Variants in PDE2A observed in about 807,000 individuals in gnomAD.
PDE2A encodes cGMP-dependent 3',5'-cyclic phosphodiesterase.
A neutral mutation model predicts 133.6 loss-of-function variants in PDE2A; 53 were observed. The observed-to-expected ratio is 0.40, with a 90% confidence interval of 0.32 to 0.50. PDE2A has a LOEUF of 0.50. Among genes scored for constraint, PDE2A ranks in the 20% least tolerant of loss-of-function variants. The pLI, the probability that PDE2A is intolerant of heterozygous loss-of-function variation, is 0.73. For missense variants in PDE2A, 796 were observed against 1,232.4 expected (o/e 0.65, Z 5.30); for synonymous variants, 491 against 490.2 (o/e 1.00, Z -0.02).
chr11:72,651,114 G>A (rs1318407704), intron 1 of PDE2A, among the ~76,000 whole-genome samples: 1 of 152,120 alleles, frequency 6.6e-6, no homozygotes, highest in Non-Finnish European at 1.5e-5. Context: ...GAAAATCAAA[G>A]CTTCTGTTAT....
At chr11:72,581,782 C>T (rs1051655839) in intron 22 of PDE2A, 95 bp downstream of exon 22, 2 of 1,218,872 alleles carry the variant, frequency 1.6e-6, no homozygotes, top group Non-Finnish European at 2.4e-6. Context: ...CCCAGTCATC[C>T]TTAGAGAGAT....
At chr11:72,595,933 G>T (rs950828297) in intron 6 of PDE2A, among the ~76,000 whole-genome samples, 7 of 152,104 alleles carry the variant, frequency 4.6e-5, no homozygotes, top group African/African-American at 1.7e-4. Context: ...GGGTTCTGGG[G>T]CTCTGGCAGA....
chr11:72,601,961 T>C (rs1011545559), intron 4 of PDE2A, among the ~76,000 whole-genome samples: 1 of 152,170 alleles, frequency 6.6e-6, no homozygotes, highest in Non-Finnish European at 1.5e-5. Context: ...CCCAGGTCTC[T>C]GACTCCCAGC....
At chr11:72,673,691 T>TC (rs757418714) in intron 1 of PDE2A, among the ~76,000 whole-genome samples, 1 of 151,136 alleles carries the variant, frequency 6.6e-6, no homozygotes, top group Non-Finnish European at 1.5e-5. Flanking sequence ...TCTCCATCTT[T>TC]CCCCCTCCCC....
rs1855607152 is a variant in PDE2A at position 72,579,304 on chromosome 11, T to C, written c.2336A>G (p.Asp779Gly). 1 of 1,612,216 alleles carries C rather than the reference T, an allele frequency of 6.2e-7. No homozygotes were observed. Among genetic ancestry groups the C allele is most frequent in the Non-Finnish European group, 8.5e-7 (1 of 1,178,584 alleles). Residue 779 changes from aspartate (D) to glycine (G), a missense_variant, in exon 27 of 31, where the codon GAC (aspartate) becomes GGC (glycine). Asp to Gly is a moderately conservative substitution (Grantham distance 94). Coordinates refer to ENST00000334456, the MANE Select transcript of PDE2A (RefSeq NM_002599.5). ...DLAHHLRIFK[D>G]LQKMAEVGYD... is the part of the protein sequence containing the mutation. Reference sequence around the variant, plus strand: ...GTCACCCTCAGCCATCTTCTGGAGGTCCTTGAAGATGCGGAGATGGTGGGC... The same window carrying C: ...GTCACCCTCAGCCATCTTCTGGAGGCCCTTGAAGATGCGGAGATGGTGGGC...
chr11:72,653,039 A>G (rs1854788540), intron 1 of PDE2A, among the ~76,000 whole-genome samples: 1 of 152,236 alleles, frequency 6.6e-6, no homozygotes. Flanking sequence ...GAGATGTGGC[A>G]TTCTGTTTCT....
chr11:72,579,507 T>TGCC (rs1855618136), intron 26 of PDE2A, 27 bp downstream of exon 26: 51 of 1,354,050 alleles, frequency 3.8e-5, no homozygotes, highest in East Asian at 4.8e-5. Flanking sequence ...TCCCCCTCAA[T>TGCC]CCCCACCCCA....
chr11:72,600,451 C>T (rs550418793), intron 4 of PDE2A, among the ~76,000 whole-genome samples: 5 of 152,220 alleles, frequency 3.3e-5, no homozygotes, highest in African/African-American at 7.2e-5. Flanking sequence ...CCCGGCTTTG[C>T]GGGACCCCAT....
intron 1 of PDE2A, among the ~76,000 whole-genome samples, chr11:72,667,614 G>C (rs1228291260): frequency 6.6e-6 from 1 of 152,172 alleles, no homozygotes; most frequent in Non-Finnish European, 1.5e-5. Context: ...GGAATGGACT[G>C]TATGTGACAG....
intron 5 of PDE2A, 26 bp from the exon 6 acceptor site, chr11:72,596,674 C>T: frequency 7.2e-7 from 1 of 1,398,416 alleles, no homozygotes; most frequent in Non-Finnish European, 9.4e-7. Context: ...CAATGAGGTG[C>T]TCCTGCAGGG....
In PDE2A at chr11:72,642,298, C is replaced by A; in HGVS notation, c.100G>T (p.Asp34Tyr). 6.5e-7 allele frequency: 1 copy of A among 1,528,930 alleles called. No homozygotes were observed. 94.7% of individuals were successfully genotyped at this position (1,528,930 alleles called of 1,614,324 possible). ...PRGQQVFLKP[D>Y]EPPPPPQPCA... ...GGCTGCGGCGGCGGCGGCGGCTCGT[C>A]CGGCTTGAGGAAGACCTGCTGGCCC... Residue 34 changes from aspartate (D) to tyrosine (Y), a missense_variant, in exon 2 of 31, where the codon GAC becomes TAC. Asp to Tyr is a radical substitution (Grantham distance 160). Around this residue, in one of 7 missense-constraint regions of PDE2A, gnomAD observed 417 missense variants for 475.3 expected, o/e 0.88. Coordinates refer to ENST00000334456, the MANE Select transcript of PDE2A (RefSeq NM_002599.5).
rs1417756322 is a variant in PDE2A at position 72,581,472 on chromosome 11, A to G, written c.1930T>C (p.Leu644=). 3 of 1,595,960 alleles carry G rather than the reference A, an allele frequency of 1.9e-6. No individual in the cohort carries two copies. The highest frequency in any genetic ancestry group is 2.3e-5 in the East Asian group (1 of 44,408). ...TCCCGGTAGCCCTTCTTCACCATCA[A>G]ACAGAACCTGGGGGAGGGAAGAGGG... The part of the protein sequence containing the change: ...IDCPTLARFC[L]MVKKGYRDPP... The change falls in exon 23 of 31, where the codon TTG becomes CTG. Residue 644 remains leucine (L), a synonymous_variant. Coordinates refer to ENST00000334456, the MANE Select transcript of PDE2A (RefSeq NM_002599.5).
chr11:72,630,296 A>G (rs1858309983), intron 2 of PDE2A, among the ~76,000 whole-genome samples: 1 of 152,188 alleles, frequency 6.6e-6, no homozygotes, highest in Admixed American at 6.5e-5. Context: ...ATACAGAGTC[A>G]CGTGATGGAG....
Position 72,590,680 on chromosome 11 carries a change from C to T in PDE2A, c.550-100G>A. 8.7e-7 allele frequency: 1 copy of T among 1,147,694 alleles called. No homozygotes were observed. The highest frequency in any genetic ancestry group is 1.1e-6 in the Non-Finnish European group (1 of 879,014). The allele number at this position is 1,147,694 out of a possible 1,614,324, so 71.1% of individuals were successfully genotyped here. A position where few individuals can be genotyped will look rare whatever the true frequency, so the allele number is the denominator to read the frequency against. On this transcript the variant is annotated intron_variant, in intron 7 of 30. Coordinates refer to ENST00000334456, the MANE Select transcript of PDE2A (RefSeq NM_002599.5). The surrounding 1 kb of genome is among the most constrained non-coding windows in gnomAD (Gnocchi z 4.8). ...TGCTCCCGCCGTTCCCTCTGCCTGC[C>T]GGGCCCAGGGACCCCGCCGCCGTCC...
intron 2 of PDE2A, among the ~76,000 whole-genome samples, chr11:72,623,892 C>G (rs1857910369): frequency 6.6e-6 from 1 of 152,158 alleles, no homozygotes; most frequent in Non-Finnish European, 1.5e-5. Flanking sequence ...CCTCCAGTTG[C>G]TCTACCCACC....
intron 1 of PDE2A, among the ~76,000 whole-genome samples, chr11:72,673,462 G>T (rs114470117): frequency 6.6e-6 from 1 of 151,688 alleles, no homozygotes; most frequent in African/African-American, 2.4e-5. Context: ...GAGGGGTGTC[G>T]CCACGGCGCC....
chr11:72,578,455 C>T lies in PDE2A; in HGVS notation c.2508+21G>A, dbSNP rs141338941. 8.0e-5 allele frequency: 129 copies of T among 1,609,924 alleles called. No individual in the cohort carries two copies. In the East Asian group the frequency reaches 2.7e-3, roughly 34 times the overall value. On this transcript the variant is annotated intron_variant, in intron 29 of 30. Coordinates refer to ENST00000334456, the MANE Select transcript of PDE2A (RefSeq NM_002599.5). This position sits in a 1 kb window ranked among gnomAD's most constrained non-coding sequence, Gnocchi z 4.2. The stretch of plus-strand genomic sequence containing the variant: ...GGAACCCTCCCCCATCCTGGACATC[C>T]TGGGGTCACTCCACACATACCAGGT...
chr11:72,629,705 C>G (rs1266374610), intron 2 of PDE2A, among the ~76,000 whole-genome samples: 2 of 152,172 alleles, frequency 1.3e-5, no homozygotes, highest in South Asian at 4.1e-4. Context: ...CCTTCTTTCC[C>G]ATCTTACTCA....
In PDE2A at chr11:72,585,433, A is replaced by T. The variant is rs1471887241; in HGVS notation, c.1224T>A (p.Asp408Glu). Residue 408 changes from aspartate to glutamate, a missense_variant and splice_region_variant, in exon 16 of 31, where the codon GAT becomes GAA. Physicochemically the swap from Asp to Glu is conservative, Grantham distance 45. Around this residue, in one of 7 missense-constraint regions of PDE2A, gnomAD observed 31 missense variants for 70.2 expected, o/e 0.44. Transcript: ENST00000334456. ...QVAKNLFTHL[D>E]DVSVLLQEII... ...TCTCCTGGAGCAGGACAGAGACGTC[A>T]TCTGGGGAAGGGAGAAGACCAGGCA... The T allele has an allele frequency of 6.2e-7, 1 of 1,614,146 alleles. No homozygotes were observed. The highest frequency in any genetic ancestry group is 8.5e-7 in the Non-Finnish European group (1 of 1,179,980).
Sources: gnomAD v4.1 joint callset for allele counts (sites outside exome capture counted in the v4.1 genomes callset) on GRCh38, gnomAD v4.1.1 for gene constraint, gnomAD v4.1.1 regional missense constraint, Gnocchi (gnomAD v3.1) non-coding constraint, MANE v1.5 for transcripts, NCBI Gene and HGNC (gene_info 2026-07-23, HGNC 2026-07-21) for gene names.